PCBP2: variants seen among roughly 807,000 people sequenced by gnomAD.
PCBP2 encodes poly(rC)-binding protein 2.
Under a neutral mutation model 50.1 loss-of-function variants are expected in PCBP2, and 4 were observed. The ratio of observed to expected loss-of-function variants is 0.08; its 90% CI spans 0.04 to 0.18. The LOEUF (loss-of-function observed/expected upper bound fraction) is 0.18. Among genes scored for constraint, PCBP2 ranks in the 10% least tolerant of loss-of-function variants. The pLI is 1.00. For missense variants in PCBP2, 161 were observed against 474.3 expected, an observed-to-expected ratio of 0.34 and a Z score of 6.14; for synonymous variants, 179 against 168.0, an observed-to-expected ratio of 1.07 and a Z score of -0.51.
intron 14 of PCBP2, among the ~76,000 whole-genome samples, chr12:53,472,309 C>T (rs1335206715): frequency 6.6e-6 from 1 of 152,150 alleles, no homozygotes; most frequent in African/African-American, 2.4e-5. Flanking sequence ...TTATTCAGAG[C>T]TTGTGGGAAT....
At position 53,455,487 on chromosome 12, in the gene PCBP2, C is replaced by T. The variant is rs978128288; in HGVS notation, c.120C>T (p.Arg40=). 24 of 1,613,568 alleles carry T rather than the reference C, an allele frequency of 1.5e-5. No homozygotes were observed. The East Asian group carries it at 2.7e-4, about 18-fold the overall frequency. The change falls in exon 4 of 15, where the codon CGC becomes CGT. Residue 40 remains arginine (R), a synonymous_variant. Transcript: ENST00000546463. Reference sequence around the variant, plus strand: ...AAGGAGAATCAGTTAAGAAGATGCGCGAGGAGGTAAGTTATGAAAGACTGA... The same window carrying T: ...AAGGAGAATCAGTTAAGAAGATGCGTGAGGAGGTAAGTTATGAAAGACTGA... The part of the protein sequence containing the change: ...GKKGESVKKM[R]EESGARINIS...
intron 13 of PCBP2, among the ~76,000 whole-genome samples, chr12:53,469,220 T>C (rs779084655): frequency 4.6e-5 from 7 of 152,122 alleles, no homozygotes; most frequent in African/African-American, 1.7e-4. Context: ...CTGCTACTTT[T>C]AAGCCCTAGG....
intron 8 of PCBP2, among the ~76,000 whole-genome samples, chr12:53,463,492 G>A (rs1015588444): frequency 4.6e-5 from 7 of 152,176 alleles, no homozygotes; most frequent in African/African-American, 1.7e-4. Context: ...AAACAATAGA[G>A]TATAACAAGT....
intron 14 of PCBP2, among the ~76,000 whole-genome samples, chr12:53,474,110 C>T (rs1942419529): frequency 6.6e-6 from 1 of 152,182 alleles, no homozygotes; most frequent in Non-Finnish European, 1.5e-5. Flanking sequence ...GAAGCAGCAG[C>T]ATTTTCGCTT....
intron 13 of PCBP2, among the ~76,000 whole-genome samples, chr12:53,470,343 C>T (rs1260098656): frequency 7.0e-6 from 1 of 143,122 alleles, no homozygotes; most frequent in Non-Finnish European, 1.5e-5. Flanking sequence ...TGCCACTGCA[C>T]TCCAGCCTGG....
intron 14 of PCBP2, among the ~76,000 whole-genome samples, chr12:53,478,607 C>T (rs980260807): frequency 6.6e-6 from 1 of 152,164 alleles, no homozygotes; most frequent in African/African-American, 2.4e-5. Flanking sequence ...AGTTTAAGAC[C>T]TGCCTGGGAA....
chr12:53,468,021 C>A, intron 12 of PCBP2, 178 bp downstream of exon 12: 2 of 599,538 alleles, frequency 3.3e-6, no homozygotes, highest in Non-Finnish European at 5.9e-6. Context: ...CTGGCCAACC[C>A]CCTTCTAAAA....
At position 53,479,677 on chromosome 12, in the gene PCBP2, T is replaced by TTTTTTTGTTGTTTTTTG. The variant is rs1555209695; in HGVS notation, c.*242_*243insTTGTTTTTTGTTTTTTG. ...TTTTATAAGCTTCTCCCTGGTTTTT[T>TTTTTTTGTTGTTTTTTG]TTTTTTGGCTCATGAATTTTTCTGT... On this transcript the variant is annotated 3_prime_UTR_variant, in exon 15 of 15. Coordinates refer to ENST00000546463, the MANE Select transcript of PCBP2 (RefSeq NM_031989.5). 1 of 388,098 alleles carries TTTTTTTGTTGTTTTTTG rather than the reference T, an allele frequency of 2.6e-6. No homozygotes were observed. Among genetic ancestry groups the TTTTTTTGTTGTTTTTTG allele is most frequent in the Admixed American group, 4.3e-5 (1 of 23,380 alleles). The allele number at this position is 388,098 out of a possible 1,614,324, so 24.0% of individuals were successfully genotyped here. A position where few individuals can be genotyped will look rare whatever the true frequency, so the allele number is the denominator to read the frequency against.
intron 14 of PCBP2, among the ~76,000 whole-genome samples, chr12:53,477,883 T>C (rs1375138981): frequency 6.6e-6 from 1 of 152,110 alleles, no homozygotes; most frequent in Non-Finnish European, 1.5e-5. Flanking sequence ...TCACAAATAT[T>C]TTATGCTAAT....
chr12:53,478,579 A>G (rs1004984431), intron 14 of PCBP2, among the ~76,000 whole-genome samples: 7 of 152,098 alleles, frequency 4.6e-5, no homozygotes, highest in Non-Finnish European at 1.0e-4. Context: ...AGAGGCAGGC[A>G]GATCACCTGA....
At position 53,479,578 on chromosome 12, in the gene PCBP2, C is replaced by G; in HGVS notation, c.*136C>G. On this transcript the variant is annotated 3_prime_UTR_variant, in exon 15 of 15. Coordinates refer to ENST00000546463, the MANE Select transcript of PCBP2 (RefSeq NM_031989.5). The stretch of plus-strand genomic sequence containing the variant: ...TTCAGTTTCTACACACTTTATCATC[C>G]ACTCGTGATTTTTTAATTAAAGCGT... 1.6e-6 allele frequency: 1 copy of G among 630,460 alleles called. No homozygotes were observed. The highest frequency in any genetic ancestry group is 2.5e-5 in the Admixed American group (1 of 39,904). 39.1% of individuals were successfully genotyped at this position (630,460 alleles called of 1,614,324 possible).
intron 2 of PCBP2, 78 bp downstream of exon 2, chr12:53,454,947 C>A: frequency 8.4e-7 from 1 of 1,195,400 alleles, no homozygotes; most frequent in Non-Finnish European, 1.3e-6. Context: ...CATCTTGGAG[C>A]TCATCAGATT....
intron 6 of PCBP2, chr12:53,459,855 G>A (rs977691643): frequency 2.2e-6 from 1 of 454,064 alleles, no homozygotes; most frequent in Non-Finnish European, 4.4e-6. Context: ...GACCTTCCCA[G>A]CCTCAGGCGA....
intron 14 of PCBP2, among the ~76,000 whole-genome samples, chr12:53,472,441 T>A (rs2137106875): frequency 6.6e-6 from 1 of 152,344 alleles, no homozygotes; most frequent in South Asian, 2.1e-4. Context: ...CATAGCTAGG[T>A]AGTGTTACTA....
intron 13 of PCBP2, among the ~76,000 whole-genome samples, chr12:53,469,365 T>A (rs1414591528): frequency 6.6e-6 from 1 of 152,134 alleles, no homozygotes. Context: ...ACAAATATGA[T>A]AAGAGAAAAT....
intron 1 of PCBP2, chr12:53,453,028 T>C (rs564707113): frequency 6.6e-6 from 1 of 152,102 alleles, no homozygotes; most frequent in African/African-American, 2.4e-5. Context: ...CAGACCGAGC[T>C]ATTTATGGAA....
At chr12:53,467,418 C>T (rs1285460421) in intron 11 of PCBP2, 125 bp downstream of exon 11, 2 of 840,192 alleles carry the variant, frequency 2.4e-6, no homozygotes, top group Non-Finnish European at 2.1e-6. Context: ...TTTAAACTTG[C>T]CTGTCTACTA....
At chr12:53,475,139 TACCACC>T (rs878857120) in intron 14 of PCBP2, 29 of 456,294 alleles carry the variant, frequency 6.4e-5, no homozygotes, top group Non-Finnish European at 1.1e-4. Context: ...GGGCTTCAGC[TACCACC>T]ACCACCACCT....
At chr12:53,457,933 T>TTTTG (rs891911856) in intron 5 of PCBP2, among the ~76,000 whole-genome samples, 1 of 152,148 alleles carries the variant, frequency 6.6e-6, no homozygotes, top group East Asian at 1.9e-4. Flanking sequence ...GGTTTGTTTT[T>TTTTG]TTTGTTTGTT....
Sources: allele counts gnomAD v4.1 joint callset (sites outside exome capture counted in the v4.1 genomes callset), GRCh38; gene constraint gnomAD v4.1.1; transcripts MANE v1.5; gene names NCBI Gene and HGNC (gene_info 2026-07-23, HGNC 2026-07-21).